The following CENPW variants were observed in gnomAD, a reference collection of about 807,000 sequenced individuals.
CENPW encodes centromere protein W, also known as cancer-up-regulated gene 2 protein.
CENPW carries 3 observed loss-of-function variants against 11.1 expected under a neutral mutation model. The ratio of observed to expected loss-of-function variants is 0.27; its 90% confidence interval spans 0.12 to 0.70. CENPW has a LOEUF of 0.70. Ranked by LOEUF, CENPW falls within the 30% of genes least tolerant of loss-of-function variation. The probability of loss-of-function intolerance (pLI) is 0.77; values close to 1 mark genes in which losing one functional copy is unlikely to be tolerated. For missense variants in CENPW, 100 were observed against 105.6 expected (o/e 0.95, Z 0.23); for synonymous variants, 38 against 42.0 (o/e 0.91, Z 0.37).
chr6:126,393,076 G>C, the CENPW span, among the ~76,000 whole-genome samples: 1 of 151,774 alleles, frequency 6.6e-6, no homozygotes, highest in Non-Finnish European at 1.5e-5. Context: ...CAATGTATTG[G>C]TATATTGTTG....
the CENPW span, among the ~76,000 whole-genome samples, chr6:126,359,449 G>T: frequency 6.6e-6 from 1 of 152,126 alleles, no homozygotes; most frequent in Non-Finnish European, 1.5e-5. Context: ...AATCAGTCAA[G>T]TGTTGAGTTT....
chr6:126,356,058 A>AT, the CENPW span, among the ~76,000 whole-genome samples: 1 of 152,166 alleles, frequency 6.6e-6, no homozygotes, highest in Non-Finnish European at 1.5e-5. Context: ...TGATGCTGTC[A>AT]CAAACTACAC....
At chr6:126,361,565 G>A in the CENPW span, among the ~76,000 whole-genome samples, 2 of 152,208 alleles carry the variant, frequency 1.3e-5, no homozygotes, top group African/African-American at 2.4e-5. Flanking sequence ...AAAGTGCTGG[G>A]ATTTCAGGCG....
chr6:126,395,311 G>A, the CENPW span, among the ~76,000 whole-genome samples: 1 of 151,874 alleles, frequency 6.6e-6, no homozygotes, highest in African/African-American at 2.4e-5. Flanking sequence ...TGTGAATTCT[G>A]CTATTAAGAG....
chr6:126,378,794 C>T, the CENPW span, among the ~76,000 whole-genome samples: 23 of 152,116 alleles, frequency 1.5e-4, no homozygotes, highest in African/African-American at 4.3e-4. Context: ...ATTCCAATAG[C>T]TGCACTCTTT....
chr6:126,359,216 G>A, the CENPW span, among the ~76,000 whole-genome samples: 1,294 of 151,800 alleles, frequency 8.5e-3, 14 homozygotes, highest in African/African-American at 0.03. Context: ...AGTTGTTAAG[G>A]TATTTGTGGA....
chr6:126,435,054 A>G, the CENPW span, among the ~76,000 whole-genome samples: 1 of 151,990 alleles, frequency 6.6e-6, no homozygotes, highest in Admixed American at 6.6e-5. Context: ...ATTCCTTATA[A>G]TGTTTTTAAA....
At chr6:126,417,114 G>A in the CENPW span, among the ~76,000 whole-genome samples, 73 of 152,344 alleles carry the variant, frequency 4.8e-4, no homozygotes, top group African/African-American at 1.7e-3. Context: ...TCCTGCATCA[G>A]TGTGACCTGG....
the CENPW span, among the ~76,000 whole-genome samples, chr6:126,393,721 T>TTA: frequency 1.3e-5 from 2 of 149,716 alleles, no homozygotes; most frequent in African/African-American, 4.9e-5. Context: ...TGAGAGTGAT[T>TTA]TATATATATA....
the CENPW span, among the ~76,000 whole-genome samples, chr6:126,426,545 A>G: frequency 6.6e-6 from 1 of 152,194 alleles, no homozygotes; most frequent in Non-Finnish European, 1.5e-5. Context: ...AGATATTTAG[A>G]TCAATGGAGC....
the CENPW span, among the ~76,000 whole-genome samples, chr6:126,460,453 A>G: frequency 6.6e-6 from 1 of 151,688 alleles, no homozygotes; most frequent in Non-Finnish European, 1.5e-5. Flanking sequence ...AGCGCTTTAA[A>G]GAAGGAGAGC....
At chr6:126,384,607 C>A in the CENPW span, among the ~76,000 whole-genome samples, 1 of 151,890 alleles carries the variant, frequency 6.6e-6, no homozygotes, top group Non-Finnish European at 1.5e-5. Flanking sequence ...CTTTGTTACA[C>A]TATACAAAAA....
the CENPW span, among the ~76,000 whole-genome samples, chr6:126,431,050 A>G: frequency 1.3e-5 from 2 of 152,206 alleles, no homozygotes; most frequent in African/African-American, 4.8e-5. Context: ...TCCTACACAC[A>G]TGCATACAGA....
intron 1 of CENPW, among the ~76,000 whole-genome samples, chr6:126,344,238 A>G (rs1199003711): frequency 6.6e-6 from 1 of 152,236 alleles, no homozygotes; most frequent in Non-Finnish European, 1.5e-5. Context: ...AGTGATAGAA[A>G]GTTCAGAATG....
chr6:126,470,118 CA>C, the CENPW span, among the ~76,000 whole-genome samples: 130 of 152,306 alleles, frequency 8.5e-4, no homozygotes, highest in Non-Finnish European at 1.6e-3. Context: ...GGAACTGTCT[CA>C]AGGGCATTCC....
the CENPW span, among the ~76,000 whole-genome samples, chr6:126,443,509 G>A: frequency 6.6e-6 from 1 of 151,072 alleles, no homozygotes; most frequent in African/African-American, 2.4e-5. Context: ...GCACATGCCT[G>A]GTTATTTCTC....
At chr6:126,367,602 A>G in the CENPW span, among the ~76,000 whole-genome samples, 44 of 152,314 alleles carry the variant, frequency 2.9e-4, no homozygotes, top group African/African-American at 1.0e-3. Context: ...GAGATTGAAG[A>G]GACTGTCAGG....
the CENPW span, among the ~76,000 whole-genome samples, chr6:126,364,315 C>G: frequency 1.6e-4 from 25 of 152,096 alleles, no homozygotes; most frequent in Non-Finnish European, 2.9e-4. Flanking sequence ...AAACCTGTGT[C>G]CAAATGTCTT....
the CENPW span, among the ~76,000 whole-genome samples, chr6:126,422,934 A>G: frequency 6.6e-6 from 1 of 152,144 alleles, no homozygotes; most frequent in African/African-American, 2.4e-5. Context: ...AACGTCAAGT[A>G]ACCACAGTGA....
Sources: allele counts gnomAD v4.1 joint callset (sites outside exome capture counted in the v4.1 genomes callset), GRCh38; gene constraint gnomAD v4.1.1; transcripts MANE v1.5; gene names NCBI Gene and HGNC (gene_info 2026-07-23, HGNC 2026-07-21).